CYP20A1: variants seen among roughly 807,000 people sequenced by gnomAD.
The protein encoded by CYP20A1 is cytochrome P450 family 20 subfamily A member 1.
Under a neutral mutation model 61.4 loss-of-function variants are expected in CYP20A1, and 61 were observed. The ratio of observed to expected loss-of-function variants is 0.99; its 90% CI spans 0.81 to 1.23. The LOEUF is 1.23. Among genes scored for constraint, CYP20A1 ranks in the 50% most tolerant of loss-of-function variants. CYP20A1 has a pLI of 0.00. For missense variants in CYP20A1, 530 were observed against 542.4 expected (o/e 0.98, Z 0.23); for synonymous variants, 193 against 188.2 (o/e 1.03, Z -0.21).
In CYP20A1 at chr2:203,261,344, G is replaced by A. The variant is rs572291028; in HGVS notation, c.433-5170G>A. ...AGGCTGAGGTGGGAGGATTGCTTGA[G>A]TTCAGAAGTTTAAGACCATCCTGGG... On this transcript the variant is annotated intron_variant, in intron 4 of 12. Coordinates refer to ENST00000356079, the MANE Select transcript of CYP20A1 (RefSeq NM_177538.3). 3.9e-5 allele frequency among the ~76,000 whole-genome samples: 6 copies of A among 152,014 alleles called. No homozygotes were observed. In the East Asian group the frequency reaches 1.2e-3, roughly 30 times the overall value.
At chr2:203,292,196 G>A in intron 10 of CYP20A1, 66 bp from the exon 11 acceptor site, 2 of 977,874 alleles carry the variant, frequency 2.0e-6, no homozygotes, top group South Asian at 1.6e-5. Context: ...TTTGGAATAA[G>A]TTGACTTTCT....
At chr2:203,264,414 T>C (rs1283171279) in intron 4 of CYP20A1, among the ~76,000 whole-genome samples, 1 of 152,146 alleles carries the variant, frequency 6.6e-6, no homozygotes, top group Non-Finnish European at 1.5e-5. Context: ...TCTAGTAATA[T>C]TTCTTGCCTT....
intron 5 of CYP20A1, among the ~76,000 whole-genome samples, chr2:203,269,190 C>T (rs1217026604): frequency 6.6e-6 from 1 of 152,038 alleles, no homozygotes; most frequent in East Asian, 1.9e-4. Context: ...GCCTGTAATC[C>T]TAGCACTTTG....
At chr2:203,293,520 T>TC (rs951189774) in intron 11 of CYP20A1, among the ~76,000 whole-genome samples, 3 of 151,076 alleles carry the variant, frequency 2.0e-5, no homozygotes, top group African/African-American at 7.3e-5. Flanking sequence ...TTTTTTTTTT[T>TC]TTCCCCAGTG....
At chr2:203,295,223 G>A (rs2068738855) in intron 11 of CYP20A1, among the ~76,000 whole-genome samples, 1 of 151,824 alleles carries the variant, frequency 6.6e-6, no homozygotes, top group African/African-American at 2.4e-5. Context: ...GGGATTACAG[G>A]CGTGAGCCAC....
In CYP20A1 at chr2:203,239,076, C is replaced by T. The variant is rs1212386322; in HGVS notation, c.14C>T (p.Ala5Val). The T allele has an allele frequency of 1.2e-6, 2 of 1,613,606 alleles. No homozygotes were observed. The highest frequency in any genetic ancestry group is 1.1e-5 in the South Asian group (1 of 91,086). The change falls in exon 1 of 13, where the codon GCG becomes GTG. Residue 5 changes from alanine (A) to valine (V), a missense_variant. Coordinates refer to ENST00000356079, the MANE Select transcript of CYP20A1 (RefSeq NM_177538.3). ...GGCGGCAGAACCATGTTGGACTTCG[C>T]GATCTTCGCCGTTACCTTCTTGCTG... MLDF[A>V]IFAVTFLLAL...
intron 1 of CYP20A1, among the ~76,000 whole-genome samples, chr2:203,240,198 C>T (rs911021527): frequency 6.6e-6 from 1 of 152,222 alleles, no homozygotes; most frequent in Admixed American, 6.5e-5. Flanking sequence ...ATTGACCATA[C>T]ACCTTCTTAA....
intron 7 of CYP20A1, 147 bp from the exon 8 acceptor site, chr2:203,279,912 G>GT: frequency 1.9e-6 from 1 of 513,362 alleles, no homozygotes; most frequent in Non-Finnish European, 3.3e-6. Context: ...TACAGATTTG[G>GT]TTTTTTGTTT....
intron 5 of CYP20A1, among the ~76,000 whole-genome samples, chr2:203,272,205 G>A (rs1323472784): frequency 3.3e-5 from 5 of 152,270 alleles, no homozygotes; most frequent in East Asian, 3.9e-4. Context: ...GTAAAGGATT[G>A]TGCAGCCAGT....
In CYP20A1 at chr2:203,305,461, A is replaced by C. The variant is rs2069180929; in HGVS notation, c.*8553A>C. The stretch of plus-strand genomic sequence containing the variant: ...ATAATCTACCTACCTCGGCCTCCCA[A>C]AGTGCTCGGATTACAGACGTGAGCC... On this transcript the variant is annotated 3_prime_UTR_variant, in exon 13 of 13. Coordinates refer to ENST00000356079, the MANE Select transcript of CYP20A1 (RefSeq NM_177538.3). 1 of 151,902 alleles carries C rather than the reference A, an allele frequency of 6.6e-6. No homozygotes were observed. The allele number at this position is 151,902 out of a possible 1,614,324, so 9.4% of individuals were successfully genotyped here.
intron 8 of CYP20A1, among the ~76,000 whole-genome samples, chr2:203,285,180 G>A (rs903577472): frequency 6.6e-6 from 1 of 152,104 alleles, no homozygotes; most frequent in Non-Finnish European, 1.5e-5. Flanking sequence ...AAATCTGCTA[G>A]CTTGATTTGT....
intron 4 of CYP20A1, among the ~76,000 whole-genome samples, chr2:203,263,826 T>A (rs2067230869): frequency 6.6e-6 from 1 of 152,130 alleles, no homozygotes; most frequent in African/African-American, 2.4e-5. Flanking sequence ...TCTGTGTCCC[T>A]GCATATGGTT....
chr2:203,283,211 A>ATTTTT (rs371972851), intron 8 of CYP20A1, among the ~76,000 whole-genome samples: 8 of 83,504 alleles, frequency 9.6e-5, no homozygotes, highest in East Asian at 4.3e-4. Context: ...CAATGTGAGA[A>ATTTTT]TTTTTTTTTT....
In CYP20A1 at chr2:203,246,841, CCTT is replaced by C; in HGVS notation, c.212_214del (p.Phe71del). ...CATGAGAGATATGGGCCTGTGGTCT[CCTT>C]CTGGTTTGGCAGGCGCCTCGTGGTT... On this transcript the variant is annotated inframe_deletion, in exon 3 of 13. Transcript: ENST00000356079. The C allele has an allele frequency of 3.7e-6, 6 of 1,614,100 alleles. No individual in the cohort carries two copies. Among genetic ancestry groups the C allele is most frequent in the African/African-American group, 1.3e-5 (1 of 75,034 alleles).
intron 6 of CYP20A1, among the ~76,000 whole-genome samples, chr2:203,275,202 ATGTACT>A (rs1309228629): frequency 1.3e-5 from 2 of 152,194 alleles, no homozygotes; most frequent in Non-Finnish European, 2.9e-5. Flanking sequence ...GATTATTCTA[ATGTACT>A]TGTAGGGTTG....
intron 10 of CYP20A1, 69 bp downstream of exon 10, chr2:203,289,945 T>C: frequency 1.6e-6 from 1 of 628,178 alleles, no homozygotes. Flanking sequence ...TGTGTGTATA[T>C]ATATATATAT....
Position 203,239,029 on chromosome 2 carries a change from C to T in CYP20A1, c.-34C>T. ...GCTGAGGCGCTGCTGCTGGAGCGGC[C>T]GATCCGAGACGTGGCTCCCTGGGCG... On this transcript the variant is annotated 5_prime_UTR_variant, in exon 1 of 13. Transcript: ENST00000356079. 1 of 1,601,134 alleles carries T rather than the reference C, an allele frequency of 6.2e-7. No individual in the cohort carries two copies. Among genetic ancestry groups the T allele is most frequent in the East Asian group, 2.2e-5 (1 of 44,794 alleles).
chr2:203,295,984 G>A (rs2068779675), intron 11 of CYP20A1, among the ~76,000 whole-genome samples: 1 of 151,802 alleles, frequency 6.6e-6, no homozygotes, highest in Non-Finnish European at 1.5e-5. Context: ...TAAAGTGCCA[G>A]TCGTGGTGGT....
At chr2:203,250,236 T>C (rs1361912821) in intron 3 of CYP20A1, among the ~76,000 whole-genome samples, 1 of 152,256 alleles carries the variant, frequency 6.6e-6, no homozygotes, top group Non-Finnish European at 1.5e-5. Context: ...CTTTCAGGCC[T>C]GAATACGATG....
Sources: allele counts gnomAD v4.1 joint callset (sites outside exome capture counted in the v4.1 genomes callset), GRCh38; gene constraint gnomAD v4.1.1; transcripts MANE v1.5; gene names NCBI Gene and HGNC (gene_info 2026-07-23, HGNC 2026-07-21).